TOX2: variants seen among roughly 807,000 people sequenced by gnomAD.
TOX2 encodes the protein TOX high mobility group box family member 2, also known as granulosa cell HMG box 1.
In TOX2, 15 loss-of-function variants were observed where a neutral mutation model predicts 47.4. The ratio of observed to expected loss-of-function variants is 0.32; its 90% CI spans 0.21 to 0.49. TOX2 has a LOEUF of 0.49. TOX2 is among the 20% of genes least tolerant of loss of function. The pLI is 0.99. For missense variants in TOX2, 622 were observed against 673.1 expected, an observed-to-expected ratio of 0.92 and a Z score of 0.84; for synonymous variants, 290 against 296.6, an observed-to-expected ratio of 0.98 and a Z score of 0.23.
intron 5 of TOX2, among the ~76,000 whole-genome samples, chr20:44,062,319 A>G (rs1172110733): frequency 2.6e-5 from 4 of 152,040 alleles, no homozygotes; most frequent in Non-Finnish European, 5.9e-5. Flanking sequence ...ATACACCAAC[A>G]GTGACCAAGC....
At chr20:43,948,141 G>A (rs2069502131) in intron 1 of TOX2, among the ~76,000 whole-genome samples, 1 of 152,166 alleles carries the variant, frequency 6.6e-6, no homozygotes, top group Non-Finnish European at 1.5e-5. Context: ...TCCTGGGGAG[G>A]GAAGAGGCCC....
chr20:44,039,784 G>C (rs1396876398), intron 3 of TOX2, among the ~76,000 whole-genome samples: 1 of 152,176 alleles, frequency 6.6e-6, no homozygotes, highest in African/African-American at 2.4e-5. Flanking sequence ...GGAAGTCGAG[G>C]TTTCATCTAC....
chr20:43,946,844 A>T (rs2069481384), intron 1 of TOX2, among the ~76,000 whole-genome samples: 1 of 152,104 alleles, frequency 6.6e-6, no homozygotes, highest in Non-Finnish European at 1.5e-5. Flanking sequence ...GTTGCTGTTG[A>T]TGGTGCTGCA....
intron 3 of TOX2, among the ~76,000 whole-genome samples, chr20:44,048,762 AAAT>A (rs1469832299): frequency 6.6e-6 from 1 of 152,262 alleles, no homozygotes; most frequent in Non-Finnish European, 1.5e-5. Flanking sequence ...GCAAAAAAAA[AAAT>A]GAGACAAAAA....
intron 3 of TOX2, among the ~76,000 whole-genome samples, chr20:44,014,240 A>C (rs1386090761): frequency 6.6e-6 from 1 of 151,334 alleles, no homozygotes; most frequent in Non-Finnish European, 1.5e-5. Flanking sequence ...GAGAGGGTAC[A>C]CCCCAATGTG....
intron 2 of TOX2, among the ~76,000 whole-genome samples, chr20:44,001,070 C>G (rs1308420903): frequency 6.6e-6 from 1 of 152,132 alleles, no homozygotes; most frequent in African/African-American, 2.4e-5. Flanking sequence ...TTGCAGATTT[C>G]CTGTAAGATT....
At chr20:43,929,910 ATG>A (rs2069230511) in intron 1 of TOX2, among the ~76,000 whole-genome samples, 1 of 152,060 alleles carries the variant, frequency 6.6e-6, no homozygotes, top group Admixed American at 6.6e-5. Flanking sequence ...GGGTTTCACC[ATG>A]TTGGCCAGGA....
chr20:44,064,990 G>A, intron 6 of TOX2, 133 bp downstream of exon 6: 1 of 749,142 alleles, frequency 1.3e-6, no homozygotes, highest in Non-Finnish European at 2.2e-6. Context: ...ACATGGTCAT[G>A]TCTGCAGGGC....
At chr20:43,923,481 G>A (rs2069132458) in intron 1 of TOX2, among the ~76,000 whole-genome samples, 1 of 152,208 alleles carries the variant, frequency 6.6e-6, no homozygotes, top group Non-Finnish European at 1.5e-5. Flanking sequence ...GCAGGCCTGG[G>A]GAGGAGCTGA....
At chr20:43,918,381 A>T (rs2069080286) in intron 1 of TOX2, among the ~76,000 whole-genome samples, 1 of 152,182 alleles carries the variant, frequency 6.6e-6, no homozygotes, top group South Asian at 2.1e-4. Context: ...AGTTTTGATA[A>T]ATATTAACAC....
In TOX2 at chr20:44,006,203, AT is replaced by A. The variant is rs2070676039; in HGVS notation, c.166-343del. Among the ~76,000 whole-genome samples the A allele has an allele frequency of 2.0e-5, 3 of 152,090 alleles. No individual in the cohort carries two copies. In the South Asian group the frequency reaches 6.2e-4, roughly 32 times the overall value. On this transcript the variant is annotated intron_variant, in intron 2 of 8. Transcript: ENST00000341197. ...CTTTCCTCCCTGGACCTGAGTCTCTATCTGTGAAATGGGTGGGCAGGAAAGA... is the reference window on the plus strand; with the variant it reads ...CTTTCCTCCCTGGACCTGAGTCTCTACTGTGAAATGGGTGGGCAGGAAAGA...
chr20:44,065,579 T>G, intron 6 of TOX2, 133 bp from the exon 7 acceptor site: 3 of 1,038,314 alleles, frequency 2.9e-6, no homozygotes, highest in Non-Finnish European at 4.2e-6. Context: ...CTATCTCTGG[T>G]TAGTCCAAGC....
intron 2 of TOX2, among the ~76,000 whole-genome samples, chr20:43,991,614 C>T (rs1489104730): frequency 4.2e-5 from 6 of 141,686 alleles, no homozygotes; most frequent in African/African-American, 1.6e-4. Context: ...AGGCAATAAT[C>T]ATTATTATTA....
chr20:43,934,798 T>TTGTGTGTGTG (rs148972789), intron 1 of TOX2, among the ~76,000 whole-genome samples: 16,481 of 147,742 alleles, frequency 0.11, 989 homozygotes, highest in South Asian at 0.16. Flanking sequence ...GTGTGTGTGT[T>TTGTGTGTGTG]TGTGTGTGTG....
At chr20:43,982,922 A>G (rs1327915753) in intron 2 of TOX2, among the ~76,000 whole-genome samples, 1 of 151,500 alleles carries the variant, frequency 6.6e-6, no homozygotes, top group Non-Finnish European at 1.5e-5. Flanking sequence ...GAAATAGGGT[A>G]CTTTGTTCCT....
chr20:44,045,479 C>T (rs1236445466), intron 3 of TOX2, among the ~76,000 whole-genome samples: 1 of 152,156 alleles, frequency 6.6e-6, no homozygotes, highest in Non-Finnish European at 1.5e-5. Flanking sequence ...TGCAGTTTTC[C>T]ACACTGTGTG....
chr20:43,991,766 C>T (rs914571105), intron 2 of TOX2, among the ~76,000 whole-genome samples: 1 of 151,926 alleles, frequency 6.6e-6, no homozygotes, highest in South Asian at 2.1e-4. Flanking sequence ...GCTTCAGCCT[C>T]CTGAGTAGCT....
rs1328318956 is a variant in TOX2 at position 43,915,345 on chromosome 20, A to T, written c.99+355A>T. ...GCAAGTCACCCTGACAGTCACTTAT[A>T]CACAACGACACGCAACCACTCACCC... On this transcript the variant is annotated intron_variant, in intron 1 of 8. Coordinates refer to ENST00000341197, the MANE Select transcript of TOX2 (RefSeq NM_001098797.2). This position sits in a 1 kb window ranked among gnomAD's most constrained non-coding sequence, Gnocchi z 7.1. 1.3e-5 allele frequency among the ~76,000 whole-genome samples: 2 copies of T among 152,070 alleles called. No individual in the cohort carries two copies. The highest frequency in any genetic ancestry group is 3.9e-4 in the East Asian group (2 of 5,176).
chr20:44,049,561 G>A lies in TOX2; in HGVS notation c.412-1745G>A, dbSNP rs146116638. 8.7e-4 allele frequency among the ~76,000 whole-genome samples: 133 copies of A among 152,278 alleles called. 1 individual carries two copies. The highest frequency in any genetic ancestry group is 3.0e-3 in the African/African-American group (125 of 41,552). On this transcript the variant is annotated intron_variant, in intron 3 of 8. Transcript: ENST00000341197. ...AGGTTTGTTACCTAGGTAAATGTGT[G>A]CCACGGTGGTTTGCTGTACCTATCA...
Sources: gnomAD v4.1 joint callset for allele counts (sites outside exome capture counted in the v4.1 genomes callset) on GRCh38, gnomAD v4.1.1 for gene constraint, Gnocchi (gnomAD v3.1) non-coding constraint, MANE v1.5 for transcripts, NCBI Gene and HGNC (gene_info 2026-07-23, HGNC 2026-07-21) for gene names.